GPR63: variants seen among roughly 807,000 people sequenced by gnomAD.
GPR63 encodes G protein-coupled receptor 63.
GPR63 carries 12 observed loss-of-function variants against 23.1 expected under a neutral mutation model. The ratio of observed to expected loss-of-function variants is 0.52; its 90% confidence interval spans 0.33 to 0.84. The LOEUF (loss-of-function observed/expected upper bound fraction) is 0.84. GPR63 is among the 40% of genes least tolerant of loss of function. The pLI, the probability that GPR63 is intolerant of heterozygous loss-of-function variation, is 0.02. For synonymous variants in GPR63, 172 were observed against 191.1 expected, an observed-to-expected ratio of 0.90 and a Z score of 0.82; for missense variants, 472 against 515.6, an observed-to-expected ratio of 0.92 and a Z score of 0.82.
Position 96,794,252 on chromosome 6 carries a change from T to C in GPR63, c.*4220A>G, listed in dbSNP as rs992820720. The stretch of plus-strand genomic sequence containing the variant: ...CCCATAATTCAAGGTTGTTTTTTTT[T>C]CCATACAGGTCAGTTACTATTGTAA... On this transcript the variant is annotated 3_prime_UTR_variant, in exon 2 of 2. Transcript: ENST00000229955. The C allele has an allele frequency of 1.3e-4, 20 of 152,108 alleles. No homozygotes were observed. The highest frequency in any genetic ancestry group is 4.6e-4 in the African/African-American group (19 of 41,446). The allele number at this position is 152,108 out of a possible 1,614,324, so 9.4% of individuals were successfully genotyped here. A position where few individuals can be genotyped will look rare whatever the true frequency, so the allele number is the denominator to read the frequency against.
At chr6:96,828,931 T>C (rs577483381) in intron 1 of GPR63, among the ~76,000 whole-genome samples, 1 of 152,252 alleles carries the variant, frequency 6.6e-6, no homozygotes, top group South Asian at 2.1e-4. Context: ...GTATGACATA[T>C]GACAAAAGGG....
chr6:96,827,042 A>G (rs1774456460), intron 1 of GPR63, among the ~76,000 whole-genome samples: 1 of 118,742 alleles, frequency 8.4e-6, no homozygotes, highest in Admixed American at 9.6e-5. Context: ...AAGTGAACAC[A>G]GTCTAAAAAA....
intron 1 of GPR63, among the ~76,000 whole-genome samples, chr6:96,822,877 G>T (rs1353615300): frequency 6.6e-6 from 1 of 152,192 alleles, no homozygotes; most frequent in Admixed American, 6.5e-5. Context: ...TTACAGTCAT[G>T]TACTGTTTAA....
At chr6:96,805,706 AG>A (rs1419932637) in intron 1 of GPR63, among the ~76,000 whole-genome samples, 2 of 152,204 alleles carry the variant, frequency 1.3e-5, no homozygotes, top group African/African-American at 4.8e-5. Flanking sequence ...ATGGTAGGAA[AG>A]GTTAACTGCA....
intron 1 of GPR63, among the ~76,000 whole-genome samples, chr6:96,831,434 CAA>C (rs74893582): frequency 3.8e-5 from 4 of 105,830 alleles, no homozygotes; most frequent in Admixed American, 9.6e-5. Context: ...TTACACTTAC[CAA>C]AAAAAAAAAA....
rs1281206979 is a variant in GPR63, at chr6:96,816,369, C to CAGCCTTAAAAACATTCCTAGAG, written c.-150-16510_-150-16489dup. Reference sequence around the variant, plus strand: ...ACAGCAATTCAGGAAGCTATTTCAACAGCCTTAAAAACATTCCTAGAGAGC... The same window carrying CAGCCTTAAAAACATTCCTAGAG: ...ACAGCAATTCAGGAAGCTATTTCAACAGCCTTAAAAACATTCCTAGAGAGCCTTAAAAACATTCCTAGAGAGC... On this transcript the variant is annotated intron_variant, in intron 1 of 1. Transcript: ENST00000229955. Among the ~76,000 whole-genome samples, 3 of 152,174 alleles carry CAGCCTTAAAAACATTCCTAGAG rather than the reference C, an allele frequency of 2.0e-5. No homozygotes were observed. The East Asian group carries it at 5.8e-4, about 29-fold the overall frequency.
chr6:96,799,997 A>G, intron 1 of GPR63, 116 bp from the exon 2 acceptor site: 1 of 466,660 alleles, frequency 2.1e-6, no homozygotes, highest in Non-Finnish European at 4.0e-6. Flanking sequence ...TGACCGTTTA[A>G]AAATATTTTA....
intron 1 of GPR63, among the ~76,000 whole-genome samples, chr6:96,812,510 G>A (rs1774068863): frequency 6.6e-6 from 1 of 152,098 alleles, no homozygotes; most frequent in Non-Finnish European, 1.5e-5. Flanking sequence ...AATCAAAACT[G>A]AAACTCAAGT....
intron 1 of GPR63, among the ~76,000 whole-genome samples, chr6:96,820,547 T>A (rs926110557): frequency 4.6e-5 from 7 of 152,190 alleles, no homozygotes; most frequent in Non-Finnish European, 1.0e-4. Context: ...TTTATATTAA[T>A]CTCTAGGTCA....
intron 1 of GPR63, among the ~76,000 whole-genome samples, chr6:96,819,068 G>A (rs188291120): frequency 1.3e-5 from 2 of 152,312 alleles, no homozygotes; most frequent in Admixed American, 1.3e-4. Context: ...TTTACAGTTG[G>A]TGGCAGTGTA....
chr6:96,798,269 G>C lies in GPR63; in HGVS notation c.*203C>G, dbSNP rs1164183632. The C allele has an allele frequency of 5.5e-6, 3 of 548,368 alleles. No individual in the cohort carries two copies. The East Asian group carries it at 9.1e-5, about 17-fold the overall frequency. The allele number at this position is 548,368 out of a possible 1,614,324, so 34.0% of individuals were successfully genotyped here. ...TCACCCTAAATTGAGGATTTCTATTGAACCCTGGAGGTAATATTTGTAATC... is the reference window on the plus strand; with the variant it reads ...TCACCCTAAATTGAGGATTTCTATTCAACCCTGGAGGTAATATTTGTAATC... On this transcript the variant is annotated 3_prime_UTR_variant, in exon 2 of 2. Coordinates refer to ENST00000229955, the MANE Select transcript of GPR63 (RefSeq NM_030784.4).
chr6:96,817,697 T>C (rs1372172085), intron 1 of GPR63, among the ~76,000 whole-genome samples: 3 of 152,096 alleles, frequency 2.0e-5, no homozygotes, highest in Admixed American at 2.0e-4. Context: ...AACACATGGA[T>C]GAATCTCACA....
intron 1 of GPR63, among the ~76,000 whole-genome samples, chr6:96,817,458 A>C (rs1474337332): frequency 6.6e-6 from 1 of 152,302 alleles, no homozygotes; most frequent in Non-Finnish European, 1.5e-5. Flanking sequence ...TGTCTATGGT[A>C]AATTTGTAGT....
At chr6:96,799,902 C>T (rs1773718272) in intron 1 of GPR63, 21 bp from the exon 2 acceptor site, 1 of 650,954 alleles carries the variant, frequency 1.5e-6, no homozygotes, top group Non-Finnish European at 2.7e-6. Flanking sequence ...AACCAAAACA[C>T]AAAAAGTAAA....
In GPR63 at chr6:96,798,987, T is replaced by A; in HGVS notation, c.745A>T (p.Ile249Phe). 6.2e-7 allele frequency: 1 copy of A among 1,613,960 alleles called. No homozygotes were observed. The highest frequency in any genetic ancestry group is 8.5e-7 in the Non-Finnish European group (1 of 1,180,002). The change falls in exon 2 of 2, where the codon ATT (isoleucine) becomes TTT (phenylalanine). Residue 249 changes from isoleucine (I) to phenylalanine (F), a missense_variant. Ile to Phe is a conservative substitution (Grantham distance 21, BLOSUM62 0). Coordinates refer to ENST00000229955, the MANE Select transcript of GPR63 (RefSeq NM_030784.4). ...ACCAGGAAGGGTATGAAGAAAGAAATGAGAGAAATCAAAATCACATAAGCC... is the reference window on the plus strand; with the variant it reads ...ACCAGGAAGGGTATGAAGAAAGAAAAGAGAGAAATCAAAATCACATAAGCC... ...YQAYVILISL[I>F]SFFIPFLVIL...
chr6:96,837,315 C>G lies in GPR63; in HGVS notation c.-198G>C, dbSNP rs1051494237. Reference sequence around the variant, plus strand: ...GGCGCCCGCGGAAGAGCCCAGGGAGCATGGCTCCATGTAGTCCCTCCCGGA... The same window carrying G: ...GGCGCCCGCGGAAGAGCCCAGGGAGGATGGCTCCATGTAGTCCCTCCCGGA... On this transcript the variant is annotated 5_prime_UTR_variant, in exon 1 of 2. An upstream start codon of the reference 5' UTR is lost. Transcript: ENST00000229955. The G allele has an allele frequency of 2.6e-5, 4 of 152,474 alleles. No individual in the cohort carries two copies. Among genetic ancestry groups the G allele is most frequent in the African/African-American group, 4.8e-5 (2 of 41,480 alleles). 9.4% of individuals were successfully genotyped at this position (152,474 alleles called of 1,614,324 possible). A position where few individuals can be genotyped will look rare whatever the true frequency, so the allele number is the denominator to read the frequency against.
intron 1 of GPR63, among the ~76,000 whole-genome samples, chr6:96,831,578 T>C (rs1388069075): frequency 6.6e-6 from 1 of 151,910 alleles, no homozygotes; most frequent in African/African-American, 2.4e-5. Flanking sequence ...ATGTCTAGGG[T>C]TTTACCCAAA....
intron 1 of GPR63, among the ~76,000 whole-genome samples, chr6:96,822,306 A>G (rs1448341557): frequency 6.6e-6 from 1 of 152,120 alleles, no homozygotes; most frequent in Non-Finnish European, 1.5e-5. Context: ...AAAAACGGCA[A>G]ATCTGTTTTG....
At chr6:96,812,390 G>A (rs1385170082) in intron 1 of GPR63, among the ~76,000 whole-genome samples, 1 of 152,068 alleles carries the variant, frequency 6.6e-6, no homozygotes, top group Non-Finnish European at 1.5e-5. Context: ...AGATTATTAA[G>A]CACAAGGATT....
Sources: allele counts gnomAD v4.1 joint callset (sites outside exome capture counted in the v4.1 genomes callset), GRCh38; gene constraint gnomAD v4.1.1; transcripts MANE v1.5; gene names NCBI Gene and HGNC (gene_info 2026-07-23, HGNC 2026-07-21).